DOCK5: variants seen among roughly 807,000 people sequenced by gnomAD.
DOCK5 encodes dedicator of cytokinesis protein 5.
A neutral mutation model predicts 251.8 loss-of-function variants in DOCK5; 142 were observed. That is an observed-to-expected ratio of 0.56 (90% CI 0.49 to 0.65). DOCK5 has a LOEUF of 0.65. Among genes scored for constraint, DOCK5 ranks in the 30% least tolerant of loss-of-function variants. The pLI is 0.00. For missense variants in DOCK5, 2,111 were observed against 2,312.3 expected (o/e 0.91, Z 1.79); for synonymous variants, 842 against 835.5 (o/e 1.01, Z -0.13).
chr8:25,376,108 A>AAG (rs1800958781), intron 37 of DOCK5: 1 of 970,450 alleles, frequency 1.0e-6, no homozygotes, highest in Non-Finnish European at 1.2e-6. Context: ...CAAAAGAAAA[A>AAG]AAAAAAAAAA....
At chr8:25,270,438 A>G (rs1412102520) in intron 3 of DOCK5, among the ~76,000 whole-genome samples, 1 of 152,184 alleles carries the variant, frequency 6.6e-6, no homozygotes, top group Non-Finnish European at 1.5e-5. Flanking sequence ...TAGTTATGGA[A>G]GTGGTAGTTA....
At chr8:25,261,054 T>C (rs1032813119) in intron 2 of DOCK5, among the ~76,000 whole-genome samples, 5 of 152,106 alleles carry the variant, frequency 3.3e-5, no homozygotes, top group African/African-American at 7.2e-5. Context: ...GCTGGAATTA[T>C]GGATGTGAGC....
At chr8:25,239,390 G>C (rs553263414) in intron 1 of DOCK5, among the ~76,000 whole-genome samples, 1 of 150,050 alleles carries the variant, frequency 6.7e-6, no homozygotes, top group Non-Finnish European at 1.5e-5. Context: ...TCCTTGGTAG[G>C]TGTTTGTGTT....
chr8:25,404,114 G>C (rs1801484593), intron 48 of DOCK5, among the ~76,000 whole-genome samples: 1 of 152,136 alleles, frequency 6.6e-6, no homozygotes, highest in Non-Finnish European at 1.5e-5. Flanking sequence ...AAGCCCTGCA[G>C]TAGCCCCACC....
intron 11 of DOCK5, chr8:25,305,273 G>A (rs1271821598): frequency 6.7e-6 from 1 of 150,064 alleles, no homozygotes; most frequent in Non-Finnish European, 1.5e-5. Context: ...ACAAATTAGT[G>A]GAGAAAGATA....
intron 1 of DOCK5, among the ~76,000 whole-genome samples, chr8:25,207,175 A>G (rs1300559796): frequency 2.6e-5 from 4 of 152,112 alleles, no homozygotes; most frequent in South Asian, 2.1e-4. Context: ...CATAAGATTC[A>G]TGGTCGATCA....
At chr8:25,393,015 G>T in intron 44 of DOCK5, 133 bp downstream of exon 44, 1 of 702,552 alleles carries the variant, frequency 1.4e-6, no homozygotes, top group Non-Finnish European at 2.5e-6. Context: ...TTTCAAAAGA[G>T]AAATAAAAGG....
intron 2 of DOCK5, among the ~76,000 whole-genome samples, chr8:25,260,859 G>A (rs1211303515): frequency 1.3e-5 from 2 of 151,386 alleles, no homozygotes; most frequent in Admixed American, 6.6e-5. Flanking sequence ...GCAGTGGCGC[G>A]ATCATAGCTG....
intron 16 of DOCK5, among the ~76,000 whole-genome samples, chr8:25,322,316 A>G (rs1189567888): frequency 6.6e-6 from 1 of 152,238 alleles, no homozygotes; most frequent in Non-Finnish European, 1.5e-5. Context: ...GAAGCGTAGC[A>G]CAGCACCTTA....
intron 48 of DOCK5, among the ~76,000 whole-genome samples, chr8:25,407,065 A>C (rs1316616229): frequency 6.6e-6 from 1 of 152,130 alleles, no homozygotes; most frequent in Non-Finnish European, 1.5e-5. Context: ...ATTAACCATA[A>C]AACTTCATTA....
chr8:25,291,409 G>A (rs1232695010), intron 5 of DOCK5, among the ~76,000 whole-genome samples: 5 of 152,172 alleles, frequency 3.3e-5, no homozygotes, highest in East Asian at 1.9e-4. Context: ...CAGGCTAGGC[G>A]CAGTGGCTCA....
At chr8:25,341,629 C>T in intron 23 of DOCK5, 110 bp from the exon 24 acceptor site, 1 of 852,822 alleles carries the variant, frequency 1.2e-6, no homozygotes, top group Non-Finnish European at 1.9e-6. Flanking sequence ...TATCTGTGTC[C>T]AGTTCCCTAT....
chr8:25,269,448 A>AACTTTTATTTTAGGTATAT (rs1803847249), intron 3 of DOCK5, among the ~76,000 whole-genome samples: 1 of 152,212 alleles, frequency 6.6e-6, no homozygotes, highest in South Asian at 2.1e-4. Context: ...TGTTTCACGA[A>AACTTTTATTTTAGGTATAT]ACTTTTATTT....
chr8:25,205,126 G>A (rs895626205), intron 1 of DOCK5, among the ~76,000 whole-genome samples: 6 of 152,050 alleles, frequency 3.9e-5, no homozygotes, highest in African/African-American at 1.4e-4. Flanking sequence ...TTGAACTCCT[G>A]GCCTCAAGCA....
At chr8:25,232,842 C>T (rs1392992306) in intron 1 of DOCK5, among the ~76,000 whole-genome samples, 1 of 152,094 alleles carries the variant, frequency 6.6e-6, no homozygotes, top group Admixed American at 6.6e-5. Flanking sequence ...CAGCCCAGTA[C>T]CCTCATATTC....
At chr8:25,344,193 C>T (rs375943911) in intron 25 of DOCK5, among the ~76,000 whole-genome samples, 7 of 152,300 alleles carry the variant, frequency 4.6e-5, no homozygotes, top group South Asian at 4.1e-4. Context: ...AGGGGAAAAA[C>T]TCTTACACTG....
At chr8:25,397,096 C>T (rs546598168) in intron 45 of DOCK5, among the ~76,000 whole-genome samples, 2 of 151,856 alleles carry the variant, frequency 1.3e-5, no homozygotes, top group Non-Finnish European at 2.9e-5. Flanking sequence ...ATGGCGGGTG[C>T]CTGTAATCTC....
chr8:25,296,746 C>T, intron 7 of DOCK5, 98 bp downstream of exon 7: 2 of 1,451,100 alleles, frequency 1.4e-6, no homozygotes. Context: ...AAAACTACTT[C>T]TGTAGTTTTC....
At chr8:25,337,052 G>C (rs1001202120) in intron 22 of DOCK5, among the ~76,000 whole-genome samples, 1 of 152,012 alleles carries the variant, frequency 6.6e-6, no homozygotes, top group African/African-American at 2.4e-5. Context: ...CCTGCAAAAA[G>C]GTTACATATA....
Sources: gnomAD v4.1 joint callset for allele counts (sites outside exome capture counted in the v4.1 genomes callset) on GRCh38, gnomAD v4.1.1 for gene constraint, MANE v1.5 for transcripts, NCBI Gene and HGNC (gene_info 2026-07-23, HGNC 2026-07-21) for gene names.